SYT2: variants seen among roughly 807,000 people sequenced by gnomAD.
SYT2 encodes the protein synaptotagmin-2.
In SYT2, 15 loss-of-function variants were observed where a neutral mutation model predicts 39.9. That is an observed-to-expected ratio of 0.38 (90% CI 0.25 to 0.58). The LOEUF is 0.58. Ranked by LOEUF, SYT2 falls within the 20% of genes least tolerant of loss-of-function variation. The pLI is 0.70. For missense variants in SYT2, 389 were observed against 530.3 expected, an observed-to-expected ratio of 0.73 and a Z score of 2.62; for synonymous variants, 181 against 204.5, an observed-to-expected ratio of 0.89 and a Z score of 0.98.
intron 5 of SYT2, 21 bp from the exon 6 acceptor site, chr1:202,602,078 CAG>C (rs1558423310): frequency 6.2e-7 from 1 of 1,612,856 alleles, no homozygotes; most frequent in South Asian, 1.1e-5. Context: ...CAAGCAGAAT[CAG>C]AGGGGGCCAG....
rs763009888 is a variant in SYT2, at chr1:202,599,230, G to A, written c.1041C>T (p.Phe347=). ...AGGGCTCCAGCACCTGAATCTGCTCGAAGGGGATCTCAAAGCTGAAGGACT... is the reference window on the plus strand; with the variant it reads ...AGGGCTCCAGCACCTGAATCTGCTCAAAGGGGATCTCAAAGCTGAAGGACT... ...FNESFSFEIP[F]EQIQKVQVVV... is the part of the protein sequence containing the mutation. The change falls in exon 8 of 9, where the codon TTC becomes TTT. Residue 347 remains phenylalanine, a synonymous_variant. Transcript: ENST00000367268. This position sits in a 1 kb window ranked among gnomAD's most constrained non-coding sequence, Gnocchi z 4.4. 1.4e-5 allele frequency: 23 copies of A among 1,613,336 alleles called. No homozygotes were observed. Among genetic ancestry groups the A allele is most frequent in the South Asian group, 5.5e-5 (5 of 90,940 alleles).
At chr1:202,678,325 G>A (rs370663430) in intron 1 of SYT2, among the ~76,000 whole-genome samples, 2 of 145,018 alleles carry the variant, frequency 1.4e-5, no homozygotes, top group East Asian at 4.0e-4. Flanking sequence ...ATGGATGCTT[G>A]TACTTTTCTG....
intron 1 of SYT2, among the ~76,000 whole-genome samples, chr1:202,654,425 C>T (rs879809456): frequency 2.6e-5 from 4 of 152,220 alleles, no homozygotes; most frequent in African/African-American, 7.2e-5. Context: ...ACCAGAACGC[C>T]TTCCTCCAGC....
intron 1 of SYT2, among the ~76,000 whole-genome samples, chr1:202,694,498 GACA>G (rs1402547634): frequency 6.6e-6 from 1 of 152,126 alleles, no homozygotes; most frequent in African/African-American, 2.4e-5. Flanking sequence ...CGTGGTGAGG[GACA>G]CCTGCCTGCC....
At chr1:202,669,093 A>T (rs1045507710) in intron 1 of SYT2, among the ~76,000 whole-genome samples, 1 of 152,272 alleles carries the variant, frequency 6.6e-6, no homozygotes, top group Non-Finnish European at 1.5e-5. Flanking sequence ...CCATGAAAAT[A>T]TCAGTGAGGC....
intron 1 of SYT2, 61 bp from the exon 2 acceptor site, chr1:202,605,850 G>T: frequency 7.6e-7 from 1 of 1,323,676 alleles, no homozygotes; most frequent in Non-Finnish European, 1.1e-6. Context: ...CCCTGAGAAA[G>T]CCCTGCCCAA....
chr1:202,668,512 C>G (rs1221850049), intron 1 of SYT2, among the ~76,000 whole-genome samples: 1 of 152,144 alleles, frequency 6.6e-6, no homozygotes, highest in Non-Finnish European at 1.5e-5. Context: ...TTTAAAAGCT[C>G]TGGGGCAAAT....
rs148856772 is a variant in SYT2 at position 202,619,899 on chromosome 1, T to C, written c.-17-14110A>G. Among the ~76,000 whole-genome samples, 482 of 152,234 alleles carry C rather than the reference T, an allele frequency of 3.2e-3. 4 individuals are homozygous for C. The highest frequency in any genetic ancestry group is 0.011 in the African/African-American group (460 of 41,538). ...TAACCCACCTGGGAAGAGGGCACAA[T>C]TACCAGCATCATTTCAAAGGCAAGG... On this transcript the variant is annotated intron_variant, in intron 1 of 8. Transcript: ENST00000367268.
chr1:202,600,435 C>T lies in SYT2; in HGVS notation c.841G>A (p.Val281Met). 1 of 1,614,208 alleles carries T rather than the reference C, an allele frequency of 6.2e-7. No homozygotes were observed. Among genetic ancestry groups the T allele is most frequent in the Non-Finnish European group, 8.5e-7 (1 of 1,180,028 alleles). The change falls in exon 7 of 9, where the codon GTG (valine) becomes ATG (methionine). Residue 281 changes from valine (V) to methionine (M), a missense_variant. Coordinates refer to ENST00000367268, the MANE Select transcript of SYT2 (RefSeq NM_177402.5). The stretch of plus-strand genomic sequence containing the variant: ...ACAGTGAGCTTCCCGGCCGTGGGCA[C>T]ATAGCGCAGGGAGGTGCAGATGTCG... The part of the protein sequence containing the change: ...LGDICTSLRY[V>M]PTAGKLTVCI...
At chr1:202,611,233 TTTA>T (rs1307136986) in intron 1 of SYT2, among the ~76,000 whole-genome samples, 4 of 152,244 alleles carry the variant, frequency 2.6e-5, no homozygotes, top group African/African-American at 9.6e-5. Context: ...ATTTTGTCTT[TTTA>T]TTATTGAGTT....
chr1:202,709,922 C>T (rs1292986023), intron 1 of SYT2, among the ~76,000 whole-genome samples: 1 of 152,026 alleles, frequency 6.6e-6, no homozygotes, highest in Non-Finnish European at 1.5e-5. Context: ...GAGAGAGGGA[C>T]GGGGGCGCAG....
intron 1 of SYT2, chr1:202,627,370 C>A (rs1434060552): frequency 1.2e-6 from 1 of 837,336 alleles, no homozygotes; most frequent in Non-Finnish European, 1.4e-6. Context: ...GGGATCTCAC[C>A]AGGAACTGCC....
At chr1:202,660,617 T>C (rs7517181) in intron 1 of SYT2, among the ~76,000 whole-genome samples, 72,173 of 151,732 alleles carry the variant, frequency 0.48, 18,062 homozygotes, top group East Asian at 0.79. Flanking sequence ...CAGTGGACCA[T>C]CTTTATTTTT....
intron 1 of SYT2, among the ~76,000 whole-genome samples, chr1:202,648,242 G>C (rs1168655853): frequency 6.6e-6 from 1 of 152,208 alleles, no homozygotes; most frequent in Non-Finnish European, 1.5e-5. Flanking sequence ...GTGCAGAGGT[G>C]TGATCTCGGC....
chr1:202,612,456 C>T (rs185076604), intron 1 of SYT2, among the ~76,000 whole-genome samples: 10 of 152,314 alleles, frequency 6.6e-5, no homozygotes, highest in Admixed American at 5.2e-4. Context: ...CAGCCTTGAC[C>T]TCCCGGGCTC....
At chr1:202,696,125 T>A (rs1018027767) in intron 1 of SYT2, among the ~76,000 whole-genome samples, 1 of 152,188 alleles carries the variant, frequency 6.6e-6, no homozygotes, top group African/African-American at 2.4e-5. Context: ...TTACAAAGGA[T>A]GGAACACAGA....
At chr1:202,704,788 G>C (rs578179988) in intron 1 of SYT2, among the ~76,000 whole-genome samples, 9 of 152,308 alleles carry the variant, frequency 5.9e-5, no homozygotes, top group African/African-American at 1.9e-4. Context: ...GGCTGCTGAG[G>C]CTGGAGCAGC....
intron 1 of SYT2, among the ~76,000 whole-genome samples, chr1:202,633,625 G>A (rs182341422): frequency 3.0e-4 from 46 of 152,278 alleles, no homozygotes; most frequent in African/African-American, 1.1e-3. Flanking sequence ...TGCTGAGGAA[G>A]AACATAGAAC....
intron 1 of SYT2, among the ~76,000 whole-genome samples, chr1:202,621,124 T>G (rs1229002414): frequency 6.6e-6 from 1 of 152,126 alleles, no homozygotes; most frequent in Non-Finnish European, 1.5e-5. Context: ...GGAGCGGAGT[T>G]GGGAAAGGAG....
Sources: gnomAD v4.1 joint callset for allele counts (sites outside exome capture counted in the v4.1 genomes callset) on GRCh38, gnomAD v4.1.1 for gene constraint, Gnocchi (gnomAD v3.1) non-coding constraint, MANE v1.5 for transcripts, NCBI Gene and HGNC (gene_info 2026-07-23, HGNC 2026-07-21) for gene names.